CDKN2C: variants seen among roughly 807,000 people sequenced by gnomAD.
CDKN2C encodes the protein cyclin-dependent kinase 4 inhibitor C.
Under a neutral mutation model 11.0 loss-of-function variants are expected in CDKN2C, and 5 were observed. That is an observed-to-expected ratio of 0.45 (90% CI 0.24 to 0.95). The LOEUF (loss-of-function observed/expected upper bound fraction) is 0.95, where lower values mean the gene tolerates loss of function less well. Ranked by LOEUF, CDKN2C falls within the 40% of genes least tolerant of loss-of-function variation. The pLI, the probability that CDKN2C is intolerant of heterozygous loss-of-function variation, is 0.21. For synonymous variants in CDKN2C, 79 were observed against 88.3 expected, an observed-to-expected ratio of 0.89 and a Z score of 0.59; for missense variants, 161 against 211.9, an observed-to-expected ratio of 0.76 and a Z score of 1.49.
At chr1:50,970,929 T>G (rs542278377) in intron 1 of CDKN2C, among the ~76,000 whole-genome samples, 48 of 152,362 alleles carry the variant, frequency 3.2e-4, no homozygotes, top group Non-Finnish European at 5.6e-4. Flanking sequence ...TTTTCTTGAC[T>G]ACTGATGAGG....
rs974925210 is a variant in CDKN2C at position 50,974,061 on chromosome 1, G to A, written c.298G>A (p.Asp100Asn). The A allele has an allele frequency of 6.2e-7, 1 of 1,614,074 alleles. No individual in the cohort carries two copies. The highest frequency in any genetic ancestry group is 8.5e-7 in the Non-Finnish European group (1 of 1,180,042). ...GTTTCAAGCTGATGTTAACATCGAG[G>A]ATAATGAAGGGAACCTGCCCTTGCA... is the stretch of plus-strand genomic sequence containing the variant. The part of the protein sequence containing the change: ...LEFQADVNIE[D>N]NEGNLPLHLA... Residue 100 changes from aspartate (D) to asparagine (N), a missense_variant, in exon 2 of 2, where the codon GAT becomes AAT. Coordinates refer to ENST00000371761, the MANE Select transcript of CDKN2C (RefSeq NM_078626.3).
chr1:50,973,916 G>A lies in CDKN2C; in HGVS notation c.153G>A (p.Glu51=), dbSNP rs1444452081. 1 of 1,614,228 alleles carries A rather than the reference G, an allele frequency of 6.2e-7. No homozygotes were observed. The highest frequency in any genetic ancestry group is 8.5e-7 in the Non-Finnish European group (1 of 1,180,038). Residue 51 remains glutamate (E), a synonymous_variant, in exon 2 of 2, where the codon GAG becomes GAA. Transcript: ENST00000371761. Reference sequence around the variant, plus strand: ...AGGTTATGAAACTTGGAAATCCCGAGATTGCCAGGAGACTGCTACTTAGAG... The same window carrying A: ...AGGTTATGAAACTTGGAAATCCCGAAATTGCCAGGAGACTGCTACTTAGAG... The part of the protein sequence containing the change: ...ALQVMKLGNP[E]IARRLLLRGA...
rs548880913 is a variant in CDKN2C at position 50,974,428 on chromosome 1, A to G, written c.*158A>G. The G allele has an allele frequency of 7.7e-6, 5 of 649,022 alleles. No homozygotes were observed. Among genetic ancestry groups the G allele is most frequent in the Non-Finnish European group, 2.4e-6 (1 of 416,104 alleles). 40.2% of individuals were successfully genotyped at this position (649,022 alleles called of 1,614,324 possible). On this transcript the variant is annotated 3_prime_UTR_variant, in exon 2 of 2. Transcript: ENST00000371761. ...TGAAAATCTTACAACAGGCTTATGA[A>G]TATATTTAAGCAACATCTTTTTAAC...
At position 50,974,287 on chromosome 1, in the gene CDKN2C, C is replaced by G. The variant is rs41285702; in HGVS notation, c.*17C>G. The G allele has an allele frequency of 7.1e-3, 10,860 of 1,530,386 alleles. 56 individuals carry two copies. The highest frequency in any genetic ancestry group is 8.0e-3 in the Non-Finnish European group (9,160 of 1,141,266). 94.8% of individuals were successfully genotyped at this position (1,530,386 alleles called of 1,614,324 possible). A position where few individuals can be genotyped will look rare whatever the true frequency, so the allele number is the denominator to read the frequency against. The stretch of plus-strand genomic sequence containing the variant: ...CTTCAATAAACGTGGGGAGGGCTCC[C>G]CCACGTTGCCTCTACTTTATCAATT... On this transcript the variant is annotated 3_prime_UTR_variant, in exon 2 of 2. Transcript: ENST00000371761.
chr1:50,962,354 C>T (rs1032098877), intron 1 of CDKN2C, among the ~76,000 whole-genome samples: 2 of 152,128 alleles, frequency 1.3e-5, no homozygotes, highest in Non-Finnish European at 2.9e-5. Context: ...CTACTGCACC[C>T]CAGCCTGGGT....
At chr1:50,966,378 G>C (rs115800382), upstream of CDKN2C, among the ~76,000 whole-genome samples, 1,980 of 152,150 alleles carry the variant, frequency 0.013, 43 homozygotes, top group African/African-American at 0.044. Flanking sequence ...TGAACTGCTG[G>C]AGCAAAAGGT....
upstream of CDKN2C, chr1:50,970,214 C>A: frequency 1.2e-6 from 1 of 866,172 alleles, no homozygotes; most frequent in South Asian, 1.6e-5. Flanking sequence ...GCAGGCAGAT[C>A]TTACTAGTAT....
chr1:50,965,067 T>TAGAG (rs1001290821), intron 1 of CDKN2C, among the ~76,000 whole-genome samples: 8 of 150,928 alleles, frequency 5.3e-5, no homozygotes, highest in African/African-American at 2.0e-4. Flanking sequence ...TATAGATAGA[T>TAGAG]AGATAGATAG....
chr1:50,965,314 G>A (rs534549076), upstream of CDKN2C, among the ~76,000 whole-genome samples: 28 of 151,756 alleles, frequency 1.8e-4, no homozygotes, highest in Non-Finnish European at 2.9e-4. Context: ...CCTGGCCAAC[G>A]TGGTGAAACC....
intron 1 of CDKN2C, 33 bp downstream of exon 1, chr1:50,970,530 A>G (rs1237941364): frequency 1.9e-6 from 3 of 1,613,022 alleles, no homozygotes; most frequent in South Asian, 1.1e-5. Context: ...AAAACAAGTC[A>G]ATAATGTTGC....
chr1:50,969,188 C>T (rs1645365732), upstream of CDKN2C: 1 of 152,448 alleles, frequency 6.6e-6, no homozygotes, highest in Non-Finnish European at 1.5e-5. This position sits in a 1 kb window ranked among gnomAD's most constrained non-coding sequence, Gnocchi z 6.6. Flanking sequence ...GGCGACTCTC[C>T]CTACTCAGAA....
At chr1:50,961,185 G>A (rs1419150002) in intron 1 of CDKN2C, among the ~76,000 whole-genome samples, 3 of 151,992 alleles carry the variant, frequency 2.0e-5, no homozygotes, top group African/African-American at 4.8e-5. Flanking sequence ...ACAGGCTCCC[G>A]CCACCAAGCC....
At chr1:50,972,451 AT>A (rs1047475487) in intron 1 of CDKN2C, among the ~76,000 whole-genome samples, 11 of 152,074 alleles carry the variant, frequency 7.2e-5, no homozygotes, top group Admixed American at 2.0e-4. Context: ...GTGTGATTAG[AT>A]TTTTTTAAAC....
In CDKN2C at chr1:50,974,244, G is replaced by T; in HGVS notation, c.481G>T (p.Ala161Ser). The T allele has an allele frequency of 6.4e-7, 1 of 1,566,828 alleles. No homozygotes were observed. The highest frequency in any genetic ancestry group is 8.7e-7 in the Non-Finnish European group (1 of 1,155,426). Residue 161 changes from alanine (A) to serine (S), a missense_variant, in exon 2 of 2, where the codon GCT becomes TCT. Transcript: ENST00000371761. ...TGTTAGCCTGATGCAGGCAAACGGG[G>T]CTGGGGGAGCCACAAATCTTCAATA... ...EVVSLMQANG[A>S]GGATNLQ
rs544444297 is a variant in CDKN2C, at chr1:50,971,836, T to C, written c.129+1339T>C. Among the ~76,000 whole-genome samples, 16 of 152,292 alleles carry C rather than the reference T, an allele frequency of 1.1e-4. No individual in the cohort carries two copies. The East Asian group carries it at 2.9e-3, about 28-fold the overall frequency. On this transcript the variant is annotated intron_variant, in intron 1 of 1. Transcript: ENST00000371761. ...ACATTTTTAATACAACTTTGCAATC[T>C]TGTTTATATTAAACATACTTATCAA... is the stretch of plus-strand genomic sequence containing the variant.
At chr1:50,970,075 CTG>C (rs1645371349), upstream of CDKN2C, 3 of 491,976 alleles carry the variant, frequency 6.1e-6, no homozygotes, top group South Asian at 6.4e-5. Context: ...GTATGTGTGT[CTG>C]TGTGTCTCTC....
chr1:50,974,474 T>C lies in CDKN2C; in HGVS notation c.*204T>C. On this transcript the variant is annotated 3_prime_UTR_variant, in exon 2 of 2. Transcript: ENST00000371761. ...TTAACCTGCAAAATCTGTTCTAACATGTAATTGCAGATAACTTTGACTTTC... is the reference window on the plus strand; with the variant it reads ...TTAACCTGCAAAATCTGTTCTAACACGTAATTGCAGATAACTTTGACTTTC... 2.2e-6 allele frequency: 1 copy of C among 450,380 alleles called. No homozygotes were observed. The highest frequency in any genetic ancestry group is 3.8e-6 in the Non-Finnish European group (1 of 260,442). 27.9% of individuals were successfully genotyped at this position (450,380 alleles called of 1,614,324 possible). A position where few individuals can be genotyped will look rare whatever the true frequency, so the allele number is the denominator to read the frequency against.
intron 1 of CDKN2C, among the ~76,000 whole-genome samples, chr1:50,964,103 T>C (rs1645336735): frequency 6.6e-6 from 1 of 152,230 alleles, no homozygotes; most frequent in Admixed American, 6.5e-5. Flanking sequence ...TGTTACCATC[T>C]TATTTAACAT....
chr1:50,972,677 G>C (rs1385586636), intron 1 of CDKN2C, among the ~76,000 whole-genome samples: 4 of 152,044 alleles, frequency 2.6e-5, no homozygotes, highest in Non-Finnish European at 2.9e-5. Flanking sequence ...ATATTTGCAT[G>C]CTGTTCTACA....
Sources: allele counts gnomAD v4.1 joint callset (sites outside exome capture counted in the v4.1 genomes callset), GRCh38; gene constraint gnomAD v4.1.1; non-coding constraint Gnocchi (gnomAD v3.1); transcripts MANE v1.5; gene names NCBI Gene and HGNC (gene_info 2026-07-23, HGNC 2026-07-21).